Variants in ARHGEF9 observed in about 807,000 individuals in gnomAD.
ARHGEF9 encodes rho guanine nucleotide exchange factor 9.
Under a neutral mutation model 41.3 loss-of-function variants are expected in ARHGEF9, and 2 were observed. The observed-to-expected ratio is 0.05, with a 90% CI of 0.02 to 0.15. The LOEUF (loss-of-function observed/expected upper bound fraction) is 0.15. Among genes scored for constraint, ARHGEF9 ranks in the 10% least tolerant of loss-of-function variants. The pLI, the probability that ARHGEF9 is intolerant of heterozygous loss-of-function variation, is 1.00. For synonymous variants in ARHGEF9, 160 were observed against 154.4 expected, an observed-to-expected ratio of 1.04 and a Z score of -0.27; for missense variants, 225 against 424.7, an observed-to-expected ratio of 0.53 and a Z score of 4.13.
intron 8 of ARHGEF9, among the ~76,000 whole-genome samples, chrX:63,652,663 G>A (rs1415942752): frequency 3.6e-5 from 4 of 110,991 alleles, no homozygotes; most frequent in Admixed American, 2.9e-4. Context: ...GTGCCCATTC[G>A]ACTAGACTGT....
rs1320577918 is a variant in ARHGEF9, at chrX:63,685,155, T to A, written c.583-6583A>T. Reference sequence around the variant, plus strand: ...ACCACAAAAAAGTAACTATGTGAGATGATATGTTAATCTGTTTGACTGTAG... The same window carrying A: ...ACCACAAAAAAGTAACTATGTGAGAAGATATGTTAATCTGTTTGACTGTAG... On this transcript the variant is annotated intron_variant, in intron 4 of 9. Transcript: ENST00000671741. 4.5e-5 allele frequency among the ~76,000 whole-genome samples: 5 copies of A among 111,757 alleles called. No homozygotes were observed. The Admixed American group carries it at 4.8e-4, about 11-fold the overall frequency.
intron 6 of ARHGEF9, among the ~76,000 whole-genome samples, chrX:63,673,647 T>C (rs1195891109): frequency 1.8e-5 from 2 of 111,050 alleles, no homozygotes; most frequent in Admixed American, 1.9e-4. Context: ...CTGTCCTGCA[T>C]GGTTGGGAAC....
chrX:63,676,076 C>T (rs1290446913), intron 5 of ARHGEF9, among the ~76,000 whole-genome samples: 3 of 111,852 alleles, frequency 2.7e-5, no homozygotes, highest in Non-Finnish European at 3.8e-5. Context: ...GGTTGATGGA[C>T]CAAAGAAAGG....
intron 8 of ARHGEF9, among the ~76,000 whole-genome samples, chrX:63,650,077 C>T (rs782377884): frequency 6.3e-5 from 7 of 111,016 alleles, no homozygotes; most frequent in Non-Finnish European, 1.3e-4. Context: ...TTTGAAACGA[C>T]CAAATGTAAA....
chrX:63,769,256 T>C (rs1313413415), intron 1 of ARHGEF9, among the ~76,000 whole-genome samples: 1 of 111,024 alleles, frequency 9.0e-6, no homozygotes, highest in East Asian at 2.8e-4. Context: ...TGGCGGCATT[T>C]TGCCCCTGCC....
intron 1 of ARHGEF9, among the ~76,000 whole-genome samples, chrX:63,784,728 C>G (rs1411994989): frequency 9.0e-6 from 1 of 110,794 alleles, no homozygotes; most frequent in African/African-American, 3.3e-5. Flanking sequence ...ACCGTCCCCT[C>G]CCCCCACAAC....
chrX:63,701,620 CTCTT>C (rs1191183186), intron 3 of ARHGEF9: 4 of 111,808 alleles, frequency 3.6e-5, no homozygotes. Flanking sequence ...CCTTCTTCCT[CTCTT>C]TGAGATAGGA....
chrX:63,778,142 C>T (rs1392602137), intron 1 of ARHGEF9, among the ~76,000 whole-genome samples: 1 of 112,647 alleles, frequency 8.9e-6, no homozygotes, highest in South Asian at 3.6e-4. Flanking sequence ...CAGGCATTTC[C>T]ATACATCCTC....
intron 5 of ARHGEF9, among the ~76,000 whole-genome samples, chrX:63,674,404 TAAAG>T (rs1169824167): frequency 2.7e-5 from 3 of 112,394 alleles, no homozygotes; most frequent in African/African-American, 9.7e-5. Flanking sequence ...GTGTAAGAAT[TAAAG>T]AAAGAGGAGA....
At chrX:63,710,639 A>T (rs1556406219) in intron 2 of ARHGEF9, among the ~76,000 whole-genome samples, 1 of 107,975 alleles carries the variant, frequency 9.3e-6, no homozygotes, top group Admixed American at 9.9e-5. Context: ...TTTCATGATT[A>T]AAAAAAAAAT....
chrX:63,693,275 T>A (rs2051477790), intron 4 of ARHGEF9, among the ~76,000 whole-genome samples: 1 of 111,816 alleles, frequency 8.9e-6, no homozygotes, highest in Admixed American at 9.5e-5. Context: ...AAATAAATGA[T>A]AAATGTTTGA....
chrX:63,732,597 A>ATTCTT (rs2054373857), intron 1 of ARHGEF9, among the ~76,000 whole-genome samples: 2 of 111,388 alleles, frequency 1.8e-5, no homozygotes, highest in Non-Finnish European at 3.8e-5. Context: ...AAGCTCAAGA[A>ATTCTT]GCTTCAGTAA....
intron 1 of ARHGEF9, among the ~76,000 whole-genome samples, chrX:63,741,973 C>T (rs1345243606): frequency 8.9e-6 from 1 of 112,314 alleles, no homozygotes. Context: ...GGGCATAGAG[C>T]ATGGATAGAC....
chrX:63,781,255 TAA>T (rs1432004685), intron 1 of ARHGEF9, among the ~76,000 whole-genome samples: 3 of 112,042 alleles, frequency 2.7e-5, no homozygotes, highest in African/African-American at 6.5e-5. Flanking sequence ...TTTTCATATA[TAA>T]GACTATTAAA....
chrX:63,648,766 C>A (rs1422142156), intron 8 of ARHGEF9, among the ~76,000 whole-genome samples: 1 of 110,630 alleles, frequency 9.0e-6, no homozygotes, highest in African/African-American at 3.3e-5. Context: ...ATCTACCAAG[C>A]AAATGGAAAA....
intron 5 of ARHGEF9, among the ~76,000 whole-genome samples, chrX:63,674,581 C>T (rs1470209032): frequency 5.4e-5 from 6 of 111,784 alleles, no homozygotes; most frequent in Admixed American, 9.5e-5. Flanking sequence ...ACTGCTTTTG[C>T]GCCTCTTTGT....
At chrX:63,684,250 C>T (rs1359373697) in intron 4 of ARHGEF9, among the ~76,000 whole-genome samples, 4 of 110,070 alleles carry the variant, frequency 3.6e-5, no homozygotes, top group African/African-American at 1.3e-4. Context: ...ATAAAAATAG[C>T]CAACAGGTAT....
chrX:63,749,648 T>C (rs1245856796), intron 1 of ARHGEF9, among the ~76,000 whole-genome samples: 1 of 112,295 alleles, frequency 8.9e-6, no homozygotes, highest in Non-Finnish European at 1.9e-5. Context: ...ACTTTCCTCA[T>C]CTGTAACACT....
intron 1 of ARHGEF9, among the ~76,000 whole-genome samples, chrX:63,774,660 TC>T (rs1366329517): frequency 9.0e-6 from 1 of 111,339 alleles, no homozygotes; most frequent in Non-Finnish European, 1.9e-5. Context: ...CCATGCCTAC[TC>T]CCCATCCTAT....
Sources: allele counts gnomAD v4.1 joint callset (sites outside exome capture counted in the v4.1 genomes callset), GRCh38; gene constraint gnomAD v4.1.1; transcripts MANE v1.5; gene names NCBI Gene and HGNC (gene_info 2026-07-23, HGNC 2026-07-21).